Variants in RAD51B observed in about 807,000 individuals in gnomAD.
RAD51B encodes RAD51 paralog B, also known as DNA repair protein RAD51 homolog 2.
RAD51B carries 38 observed loss-of-function variants against 42.2 expected under a neutral mutation model. The ratio of observed to expected loss-of-function variants is 0.90; its 90% CI spans 0.70 to 1.18. The LOEUF is 1.18. RAD51B is among the 50% of genes most tolerant of loss of function. The probability of loss-of-function intolerance (pLI) is 0.00; values close to 1 mark genes in which losing one functional copy is unlikely to be tolerated. For missense variants in RAD51B, 373 were observed against 400.7 expected (o/e 0.93, Z 0.59); for synonymous variants, 154 against 145.2 (o/e 1.06, Z -0.43).
intron 7 of RAD51B, among the ~76,000 whole-genome samples, chr14:68,084,793 T>C (rs1342191284): frequency 6.6e-6 from 1 of 152,206 alleles, no homozygotes; most frequent in Non-Finnish European, 1.5e-5. Flanking sequence ...GCTATATATA[T>C]GCCTGCCTCA....
chr14:68,250,643 A>T (rs563985053), intron 7 of RAD51B, among the ~76,000 whole-genome samples: 2 of 152,350 alleles, frequency 1.3e-5, no homozygotes, highest in South Asian at 4.1e-4. Flanking sequence ...TCCCCTGGGA[A>T]CAGGCCTATG....
intron 10 of RAD51B, among the ~76,000 whole-genome samples, chr14:68,587,624 C>G (rs1044387931): frequency 6.6e-6 from 1 of 152,104 alleles, no homozygotes; most frequent in African/African-American, 2.4e-5. Flanking sequence ...CCATCCCCCC[C>G]GAGATCCAGA....
downstream of RAD51B, among the ~76,000 whole-genome samples, chr14:68,613,512 G>GGT (rs1891754134): frequency 1.3e-5 from 2 of 149,230 alleles, no homozygotes; most frequent in South Asian, 4.2e-4. Context: ...GGAGTGCAGT[G>GGT]GCACGATCTC....
At chr14:68,188,244 TC>T (rs1310128097) in intron 7 of RAD51B, among the ~76,000 whole-genome samples, 1 of 152,070 alleles carries the variant, frequency 6.6e-6, no homozygotes, top group Non-Finnish European at 1.5e-5. Context: ...GATAGTGATT[TC>T]TTTTTTTTTT....
At chr14:68,019,884 T>C (rs1170563008) in intron 7 of RAD51B, among the ~76,000 whole-genome samples, 1 of 152,202 alleles carries the variant, frequency 6.6e-6, no homozygotes. Context: ...AAAAAGAATG[T>C]GCCCCTTCCC....
At chr14:68,195,987 C>T (rs912361502) in intron 7 of RAD51B, among the ~76,000 whole-genome samples, 31 of 149,722 alleles carry the variant, frequency 2.1e-4, no homozygotes, top group African/African-American at 7.1e-4. Context: ...GGGTGGATCA[C>T]GAGGTCAGGA....
At chr14:68,240,131 T>C (rs1246102391) in intron 7 of RAD51B, among the ~76,000 whole-genome samples, 1 of 152,232 alleles carries the variant, frequency 6.6e-6, no homozygotes, top group Non-Finnish European at 1.5e-5. Flanking sequence ...CCCTGGGTGT[T>C]GTATCTACCA....
Position 68,477,870 on chromosome 14 carries a change from T to G in RAD51B, c.*206T>G, listed in dbSNP as rs921219233. The stretch of plus-strand genomic sequence containing the variant: ...AAGGTGAAGATGAAGAAGCCTTTGT[T>G]CAGGTCTCTAGATGTGTAGGGCTGA... On this transcript the variant is annotated 3_prime_UTR_variant, in exon 11 of 11. Coordinates refer to ENST00000471583, the MANE Select transcript of RAD51B (RefSeq NM_133510.4). The G allele has an allele frequency of 1.6e-5, 23 of 1,419,738 alleles. No homozygotes were observed. The African/African-American group carries it at 3.3e-4, about 21-fold the overall frequency. 87.9% of individuals were successfully genotyped at this position (1,419,738 alleles called of 1,614,324 possible). A position where few individuals can be genotyped will look rare whatever the true frequency, so the allele number is the denominator to read the frequency against.
chr14:68,194,208 C>T (rs916999481), intron 7 of RAD51B, among the ~76,000 whole-genome samples: 12 of 152,132 alleles, frequency 7.9e-5, no homozygotes, highest in Non-Finnish European at 8.8e-5. Flanking sequence ...TGTAATGGAA[C>T]GCAAGGACTA....
intron 9 of RAD51B, among the ~76,000 whole-genome samples, chr14:68,431,077 A>T (rs1226893255): frequency 6.6e-6 from 1 of 152,204 alleles, no homozygotes; most frequent in Non-Finnish European, 1.5e-5. Flanking sequence ...ATGTTGAACC[A>T]GCCTTGCATC....
chr14:68,251,725 G>C (rs1479759472), intron 7 of RAD51B, among the ~76,000 whole-genome samples: 2 of 152,148 alleles, frequency 1.3e-5, no homozygotes, highest in Non-Finnish European at 2.9e-5. Context: ...CCAACTTTCA[G>C]TGCTGTGCTT....
chr14:68,356,953 A>G (rs958932485), intron 8 of RAD51B, among the ~76,000 whole-genome samples: 44 of 134,566 alleles, frequency 3.3e-4, no homozygotes, highest in African/African-American at 1.1e-3. Flanking sequence ...ACTGCACTCC[A>G]GCCTGGGCGA....
intron 10 of RAD51B, among the ~76,000 whole-genome samples, chr14:68,509,468 C>T (rs1313377674): frequency 6.6e-6 from 1 of 152,182 alleles, no homozygotes; most frequent in Admixed American, 6.5e-5. Context: ...GTTGTCAGGG[C>T]AAGTACTTGG....
intron 7 of RAD51B, among the ~76,000 whole-genome samples, chr14:68,144,311 G>A (rs1226459124): frequency 6.6e-6 from 1 of 152,164 alleles, no homozygotes; most frequent in Non-Finnish European, 1.5e-5. Context: ...TCTCATATTG[G>A]CTCTTAGTGA....
intron 9 of RAD51B, among the ~76,000 whole-genome samples, chr14:68,439,101 T>A (rs539576515): frequency 1.3e-5 from 2 of 152,168 alleles, no homozygotes; most frequent in South Asian, 4.1e-4. Context: ...GTCTGGTTAG[T>A]TTGGAGAGGA....
intron 7 of RAD51B, among the ~76,000 whole-genome samples, chr14:67,926,558 CTTTTTTTTTT>C (rs534207569): frequency 1.3e-4 from 11 of 85,114 alleles, no homozygotes; most frequent in Non-Finnish European, 1.8e-4. Context: ...GATATGTTTC[CTTTTTTTTTT>C]TTTTTTTTTT....
intron 8 of RAD51B, among the ~76,000 whole-genome samples, chr14:68,305,321 G>A (rs566976553): frequency 6.6e-6 from 1 of 152,338 alleles, no homozygotes; most frequent in East Asian, 1.9e-4. Context: ...TTTTCAGGAG[G>A]CCATAAGAAC....
chr14:68,396,201 A>G (rs2083917038), intron 8 of RAD51B, among the ~76,000 whole-genome samples: 1 of 152,228 alleles, frequency 6.6e-6, no homozygotes, highest in Admixed American at 6.5e-5. Flanking sequence ...CACTAGAGAT[A>G]TACTTCGTAT....
intron 8 of RAD51B, among the ~76,000 whole-genome samples, chr14:68,358,407 T>C (rs1297659225): frequency 6.6e-6 from 1 of 152,200 alleles, no homozygotes; most frequent in Non-Finnish European, 1.5e-5. Flanking sequence ...GATCGATGGG[T>C]CCGAGGCATG....
Sources: gnomAD v4.1 joint callset for allele counts (sites outside exome capture counted in the v4.1 genomes callset) on GRCh38, gnomAD v4.1.1 for gene constraint, MANE v1.5 for transcripts, NCBI Gene and HGNC (gene_info 2026-07-23, HGNC 2026-07-21) for gene names.